Variants in SEMA4D observed in about 807,000 individuals in gnomAD.
SEMA4D encodes the protein semaphorin-4D.
SEMA4D carries 22 observed loss-of-function variants against 74.8 expected under a neutral mutation model. The ratio of observed to expected loss-of-function variants is 0.29; its 90% CI spans 0.21 to 0.42. The LOEUF (loss-of-function observed/expected upper bound fraction) is 0.42, where lower values mean the gene tolerates loss of function less well. Among genes scored for constraint, SEMA4D ranks in the 10% least tolerant of loss-of-function variants. The pLI, the probability that SEMA4D is intolerant of heterozygous loss-of-function variation, is 1.00. For synonymous variants in SEMA4D, 445 were observed against 463.7 expected (o/e 0.96, Z 0.52); for missense variants, 937 against 1,118.4 (o/e 0.84, Z 2.31).
At chr9:89,436,050 G>A (rs573234368) in intron 2 of SEMA4D, among the ~76,000 whole-genome samples, 105 of 151,980 alleles carry the variant, frequency 6.9e-4, no homozygotes, top group African/African-American at 2.3e-3. Flanking sequence ...ACAGAATGAC[G>A]GACATCTCAG....
intron 1 of SEMA4D, chr9:89,472,455 TA>T: frequency 4.4e-6 from 1 of 228,414 alleles, no homozygotes; most frequent in Non-Finnish European, 8.5e-6. Flanking sequence ...AATGTGGACC[TA>T]AACACTGAGA....
At chr9:89,488,970 G>T (rs1255622057) in intron 1 of SEMA4D, among the ~76,000 whole-genome samples, 1 of 152,190 alleles carries the variant, frequency 6.6e-6, no homozygotes, top group African/African-American at 2.4e-5. Context: ...CAATTAAAAA[G>T]TGATCAAAAG....
chr9:89,390,514 G>A (rs192150586), intron 9 of SEMA4D, among the ~76,000 whole-genome samples: 2 of 152,320 alleles, frequency 1.3e-5, no homozygotes, highest in Admixed American at 1.3e-4. Flanking sequence ...CGGTGTCAAA[G>A]GCACCCACTT....
In SEMA4D at chr9:89,425,464, G is replaced by T. The variant is rs575867941; in HGVS notation, c.-243-19765C>A. On this transcript the variant is annotated intron_variant, in intron 2 of 15. Transcript: ENST00000422704. ...CTGGGTTCTGCGAGGGTCAGGCTGTGAGTCACCTGGAAGCAGCACGTGGCC... is the reference window on the plus strand; with the variant it reads ...CTGGGTTCTGCGAGGGTCAGGCTGTTAGTCACCTGGAAGCAGCACGTGGCC... Among the ~76,000 whole-genome samples, 179 of 152,364 alleles carry T rather than the reference G, an allele frequency of 1.2e-3. 1 individual carries two copies. The highest frequency in any genetic ancestry group is 1.8e-3 in the Non-Finnish European group (123 of 68,032).
At chr9:89,371,669 TCTGGG>T (rs1271215363) in intron 16 of SEMA4D, among the ~76,000 whole-genome samples, 1 of 79,706 alleles carries the variant, frequency 1.3e-5, no homozygotes, top group Non-Finnish European at 2.4e-5. Context: ...GTGGTGTGTG[TCTGGG>T]GTGTGTGTGT....
intron 2 of SEMA4D, among the ~76,000 whole-genome samples, chr9:89,452,173 G>GTT (rs1362131550): frequency 1.7e-3 from 107 of 62,334 alleles, no homozygotes; most frequent in African/African-American, 7.1e-3. Flanking sequence ...TCCTGTCTTG[G>GTT]TTTTTTTTGT....
At chr9:89,449,312 C>T (rs572463571) in intron 2 of SEMA4D, among the ~76,000 whole-genome samples, 13 of 152,354 alleles carry the variant, frequency 8.5e-5, no homozygotes, top group Admixed American at 3.9e-4. Context: ...ACTACAGAGG[C>T]GGGGCCTGAG....
rs1491451024 is a variant in SEMA4D, at chr9:89,450,660, G to GGAAAAAAAAAAAAAAAAAAAAAAAAAA, written c.-244+5227_-244+5228insTTTTTTTTTTTTTTTTTTTTTTTTTTC. ...GAGTTCTGCAAGTCGAAAAACCCAGGAAAAAAAAAAAAAAAAAAAAAAAAA... is the reference window on the plus strand; with the variant it reads ...GAGTTCTGCAAGTCGAAAAACCCAGGGAAAAAAAAAAAAAAAAAAAAAAAAAAAAAAAAAAAAAAAAAAAAAAAAAAA... On this transcript the variant is annotated intron_variant, in intron 2 of 15. Coordinates refer to ENST00000422704, the MANE Select transcript of SEMA4D (RefSeq NM_001371194.2). 57 of 430,428 alleles carry GGAAAAAAAAAAAAAAAAAAAAAAAAAA rather than the reference G, an allele frequency of 1.3e-4. 1 individual carries two copies. The highest frequency in any genetic ancestry group is 7.7e-4 in the African/African-American group (14 of 18,102). 26.7% of individuals were successfully genotyped at this position (430,428 alleles called of 1,614,324 possible).
intron 5 of SEMA4D, among the ~76,000 whole-genome samples, chr9:89,398,230 T>C (rs780203135): frequency 5.3e-5 from 8 of 152,066 alleles, no homozygotes; most frequent in Non-Finnish European, 1.2e-4. Context: ...CCTCATCCTG[T>C]GCCTATAAGA....
At chr9:89,414,626 C>T (rs1845301749) in intron 2 of SEMA4D, among the ~76,000 whole-genome samples, 1 of 152,206 alleles carries the variant, frequency 6.6e-6, no homozygotes, top group African/African-American at 2.4e-5. Context: ...TGGCCTTATC[C>T]CATCAGGAAT....
intron 2 of SEMA4D, chr9:89,450,460 T>G: frequency 1.4e-6 from 2 of 1,407,138 alleles, no homozygotes; most frequent in African/African-American, 1.4e-5. Context: ...AAACATGAAA[T>G]GCTGCAACCA....
intron 5 of SEMA4D, among the ~76,000 whole-genome samples, chr9:89,398,161 T>C (rs1160800058): frequency 6.6e-6 from 1 of 152,090 alleles, no homozygotes; most frequent in Non-Finnish European, 1.5e-5. Flanking sequence ...TGGTTCTTTC[T>C]GAACATCTTT....
At chr9:89,414,133 C>T (rs540265078) in intron 2 of SEMA4D, among the ~76,000 whole-genome samples, 1 of 152,342 alleles carries the variant, frequency 6.6e-6, no homozygotes, top group South Asian at 2.1e-4. Flanking sequence ...GTCACTACCA[C>T]ATGGAAGGTG....
intron 1 of SEMA4D, among the ~76,000 whole-genome samples, chr9:89,466,146 G>C (rs1858632871): frequency 6.6e-6 from 1 of 152,144 alleles, no homozygotes; most frequent in African/African-American, 2.4e-5. Flanking sequence ...GGCCTGGCTA[G>C]GGGCTTCCGT....
At position 89,363,636 on chromosome 9, in the gene SEMA4D, A is replaced by G. The variant is rs1833108364; in HGVS notation, c.2092+105T>C. ...GAAAGCCAATAAAACCCAAACCCAGAATGCCACCGTGCAAGCATGCTTTCC... is the reference window on the plus strand; with the variant it reads ...GAAAGCCAATAAAACCCAAACCCAGGATGCCACCGTGCAAGCATGCTTTCC... On this transcript the variant is annotated intron_variant, in intron 17 of 18. Coordinates refer to the SEMA4D transcript ENST00000339861. The G allele has an allele frequency of 3.8e-6, 6 of 1,591,614 alleles. No homozygotes were observed. The African/African-American group carries it at 6.7e-5, about 18-fold the overall frequency.
At position 89,478,771 on chromosome 9, in the gene SEMA4D, A is replaced by ACCCCC. The variant is rs1862409678; in HGVS notation, c.-310+19147_-310+19148insGGGGG. ...CTATGGCCCCCTCATCCTCCACCCC[A>ACCCCC]CCCCACCCCACCCCAAGGCCCTTCC... On this transcript the variant is annotated intron_variant, in intron 1 of 15. Coordinates refer to ENST00000422704, the MANE Select transcript of SEMA4D (RefSeq NM_001371194.2). Among the ~76,000 whole-genome samples, 4 of 77,662 alleles carry ACCCCC rather than the reference A, an allele frequency of 5.2e-5. No individual in the cohort carries two copies. In the South Asian group the frequency reaches 1.5e-3, roughly 29 times the overall value. The allele number at this position is 77,662 out of a possible 152,430, so 50.9% of individuals were successfully genotyped here. A position where few individuals can be genotyped will look rare whatever the true frequency, so the allele number is the denominator to read the frequency against.
At chr9:89,372,588 T>A (rs1473268409), downstream of SEMA4D, among the ~76,000 whole-genome samples, 1 of 151,916 alleles carries the variant, frequency 6.6e-6, no homozygotes, top group Non-Finnish European at 1.5e-5. Flanking sequence ...CTGTCCCTCC[T>A]GTGCGGCCAC....
chr9:89,482,073 A>T (rs564197505), intron 1 of SEMA4D, among the ~76,000 whole-genome samples: 6 of 152,236 alleles, frequency 3.9e-5, no homozygotes, highest in Non-Finnish European at 8.8e-5. Context: ...GAGGGGATCC[A>T]CTGCAAAGTA....
intron 2 of SEMA4D, chr9:89,450,564 G>C: frequency 2.0e-6 from 2 of 1,006,712 alleles, no homozygotes; most frequent in Non-Finnish European, 3.1e-6. Context: ...GATAACCAGT[G>C]GTCCCTTCCA....
Sources: gnomAD v4.1 joint callset for allele counts (sites outside exome capture counted in the v4.1 genomes callset) on GRCh38, gnomAD v4.1.1 for gene constraint, MANE v1.5 for transcripts, NCBI Gene and HGNC (gene_info 2026-07-23, HGNC 2026-07-21) for gene names.